FYN: variants seen among roughly 807,000 people sequenced by gnomAD.
The protein encoded by FYN is FYN proto-oncogene, Src family tyrosine kinase.
Under a neutral mutation model 70.2 loss-of-function variants are expected in FYN, and 10 were observed. The observed-to-expected ratio is 0.14, with a 90% CI of 0.09 to 0.24. The LOEUF is 0.24. Among genes scored for constraint, FYN ranks in the 10% least tolerant of loss-of-function variants. The pLI, the probability that FYN is intolerant of heterozygous loss-of-function variation, is 1.00. For missense variants in FYN, 319 were observed against 673.1 expected (o/e 0.47, Z 5.82); for synonymous variants, 236 against 248.6 (o/e 0.95, Z 0.48).
chr6:111,785,938 AAT>A (rs373724100), intron 2 of FYN, among the ~76,000 whole-genome samples: 11 of 150,492 alleles, frequency 7.3e-5, no homozygotes, highest in Non-Finnish European at 1.5e-4. Flanking sequence ...CTGTCCTTGC[AAT>A]AGTTTGCTGA....
At chr6:111,693,662 A>G (rs1324549225) in intron 12 of FYN, among the ~76,000 whole-genome samples, 2 of 152,142 alleles carry the variant, frequency 1.3e-5, no homozygotes, top group African/African-American at 4.8e-5. Context: ...GAAAGGAGGT[A>G]GAGATTTTCG....
At chr6:111,732,578 T>G (rs1013353248) in intron 3 of FYN, among the ~76,000 whole-genome samples, 3 of 152,192 alleles carry the variant, frequency 2.0e-5, no homozygotes, top group Non-Finnish European at 2.9e-5. Context: ...TCCTCCATCA[T>G]AATAGCTTTA....
At chr6:111,775,146 A>G (rs1311659897) in intron 3 of FYN, among the ~76,000 whole-genome samples, 1 of 152,190 alleles carries the variant, frequency 6.6e-6, no homozygotes, top group Non-Finnish European at 1.5e-5. Context: ...GAACTATTAC[A>G]GTCTTATCTC....
At chr6:111,849,927 C>T (rs17072993) in intron 1 of FYN, among the ~76,000 whole-genome samples, 47,243 of 152,090 alleles carry the variant, frequency 0.31, 11,716 homozygotes, top group African/African-American at 0.69. Context: ...GTTGTTTCCC[C>T]GCTAGACTGT....
At chr6:111,860,951 G>A (rs1773946064) in intron 1 of FYN, among the ~76,000 whole-genome samples, 2 of 152,316 alleles carry the variant, frequency 1.3e-5, no homozygotes, top group African/African-American at 4.8e-5. Context: ...CTAACGGAGA[G>A]GCAAGATTAG....
chr6:111,743,073 T>G (rs1295205528), intron 3 of FYN, among the ~76,000 whole-genome samples: 1 of 151,802 alleles, frequency 6.6e-6, no homozygotes, highest in Non-Finnish European at 1.5e-5. Flanking sequence ...TTCAAGCAAT[T>G]CTCCTGCCTC....
At chr6:111,797,050 C>T (rs1771826379) in intron 2 of FYN, among the ~76,000 whole-genome samples, 1 of 152,036 alleles carries the variant, frequency 6.6e-6, no homozygotes, top group South Asian at 2.1e-4. Context: ...AATGTTGTTT[C>T]CAAGAAAGAT....
intron 3 of FYN, among the ~76,000 whole-genome samples, chr6:111,744,573 A>G (rs1802124184): frequency 6.6e-6 from 1 of 152,102 alleles, no homozygotes; most frequent in Non-Finnish European, 1.5e-5. Flanking sequence ...CTTTGGAACA[A>G]TCTCCCAGTC....
chr6:111,844,117 C>G (rs143231620), intron 2 of FYN, among the ~76,000 whole-genome samples: 1 of 152,338 alleles, frequency 6.6e-6, no homozygotes, highest in African/African-American at 2.4e-5. Flanking sequence ...CCTCACAGGA[C>G]TGCTGTCACA....
chr6:111,663,169 G>A (rs1168172934), intron 13 of FYN, among the ~76,000 whole-genome samples: 1 of 152,206 alleles, frequency 6.6e-6, no homozygotes, highest in African/African-American at 2.4e-5. Flanking sequence ...TTCCTGGCCG[G>A]TGAGGCTGTC....
At chr6:111,664,439 T>C (rs1797906121) in intron 13 of FYN, among the ~76,000 whole-genome samples, 1 of 152,152 alleles carries the variant, frequency 6.6e-6, no homozygotes, top group African/African-American at 2.4e-5. Flanking sequence ...TTTCATTTCA[T>C]TAAAAAACAA....
chr6:111,735,828 C>T lies in FYN; in HGVS notation c.-11-15766G>A, dbSNP rs533983979. On this transcript the variant is annotated intron_variant, in intron 3 of 13. Transcript: ENST00000354650. ...AAATCATCCCCAACTGTGGCAAAGC[C>T]GTAGCTTTTGTTACATGTGAGAATA... Among the ~76,000 whole-genome samples, 58 of 152,294 alleles carry T rather than the reference C, an allele frequency of 3.8e-4. 1 individual carries two copies. The highest frequency in any genetic ancestry group is 1.1e-3 in the Admixed American group (17 of 15,300).
intron 12 of FYN, among the ~76,000 whole-genome samples, chr6:111,691,045 G>A (rs963114942): frequency 2.0e-5 from 3 of 152,230 alleles, no homozygotes; most frequent in Admixed American, 6.5e-5. Flanking sequence ...ACTATCTGCT[G>A]TAATTGAGTG....
At chr6:111,786,042 G>A (rs1771364079) in intron 2 of FYN, among the ~76,000 whole-genome samples, 1 of 150,940 alleles carries the variant, frequency 6.6e-6, no homozygotes, top group Non-Finnish European at 1.5e-5. Flanking sequence ...GTGTATACGT[G>A]CCACATTCTT....
At chr6:111,839,246 C>T (rs1773280246) in intron 2 of FYN, among the ~76,000 whole-genome samples, 1 of 152,164 alleles carries the variant, frequency 6.6e-6, no homozygotes, top group African/African-American at 2.4e-5. Flanking sequence ...GTACCATTCC[C>T]ATGAGCATGC....
intron 1 of FYN, among the ~76,000 whole-genome samples, chr6:111,865,411 TAA>T (rs891817602): frequency 6.6e-6 from 1 of 152,242 alleles, no homozygotes; most frequent in African/African-American, 2.4e-5. Flanking sequence ...CAAACATTGT[TAA>T]AGTTTCATGA....
At chr6:111,710,366 G>A (rs1800311101) in intron 5 of FYN, among the ~76,000 whole-genome samples, 1 of 152,230 alleles carries the variant, frequency 6.6e-6, no homozygotes, top group Admixed American at 6.5e-5. Context: ...TGGCATTAAT[G>A]AAGTCATTTC....
intron 5 of FYN, 29 bp downstream of exon 5, chr6:111,714,318 A>G: frequency 6.8e-7 from 1 of 1,474,604 alleles, no homozygotes; most frequent in Non-Finnish European, 9.5e-7. Flanking sequence ...TGAAAGGTAT[A>G]CATGCTTCTC....
intron 2 of FYN, among the ~76,000 whole-genome samples, chr6:111,803,991 C>A (rs956791730): frequency 6.6e-6 from 1 of 152,160 alleles, no homozygotes; most frequent in African/African-American, 2.4e-5. Flanking sequence ...TGACCTCCTC[C>A]CCTCAAAATG....
Sources: allele counts gnomAD v4.1 joint callset (sites outside exome capture counted in the v4.1 genomes callset), GRCh38; gene constraint gnomAD v4.1.1; transcripts MANE v1.5; gene names NCBI Gene and HGNC (gene_info 2026-07-23, HGNC 2026-07-21).